The following SBNO1 variants were observed in gnomAD, a reference collection of about 807,000 sequenced individuals.
The protein encoded by SBNO1 is protein strawberry notch homolog 1.
SBNO1 carries 23 observed loss-of-function variants against 173.6 expected under a neutral mutation model. The observed-to-expected ratio is 0.13, with a 90% CI of 0.10 to 0.19. The LOEUF (loss-of-function observed/expected upper bound fraction) is 0.19. Ranked by LOEUF, SBNO1 falls within the 10% of genes least tolerant of loss-of-function variation. The probability of loss-of-function intolerance (pLI) is 1.00; values close to 1 mark genes in which losing one functional copy is unlikely to be tolerated. For missense variants in SBNO1, 1,238 were observed against 1,671.2 expected, an observed-to-expected ratio of 0.74 and a Z score of 4.52; for synonymous variants, 632 against 571.5, an observed-to-expected ratio of 1.11 and a Z score of -1.51.
intron 28 of SBNO1, among the ~76,000 whole-genome samples, chr12:123,308,222 T>C (rs544784874): frequency 5.6e-4 from 85 of 152,316 alleles, no homozygotes; most frequent in African/African-American, 1.9e-3. Flanking sequence ...CATACATGTA[T>C]AGATGTGTGC....
At chr12:123,345,882 C>T (rs1873072818) in intron 3 of SBNO1, among the ~76,000 whole-genome samples, 1 of 152,052 alleles carries the variant, frequency 6.6e-6, no homozygotes, top group Non-Finnish European at 1.5e-5. Context: ...AGGTTGGTCT[C>T]AAACTCCTGG....
intron 1 of SBNO1, among the ~76,000 whole-genome samples, chr12:123,363,180 G>A (rs956363300): frequency 3.3e-5 from 5 of 152,120 alleles, no homozygotes; most frequent in African/African-American, 1.2e-4. Context: ...AAAAAGTAAA[G>A]TCGTCTCCCA....
At chr12:123,314,908 T>A (rs916218252) in intron 23 of SBNO1, among the ~76,000 whole-genome samples, 7 of 144,036 alleles carry the variant, frequency 4.9e-5, no homozygotes, top group Admixed American at 2.1e-4. Context: ...ATTTTTGTAT[T>A]TTTTTTTTTT....
chr12:123,327,347 G>A, intron 13 of SBNO1, 79 bp downstream of exon 13: 3 of 1,136,784 alleles, frequency 2.6e-6, no homozygotes, highest in South Asian at 1.4e-5. Flanking sequence ...ATGGGCAGGA[G>A]GCATCGCAAT....
At position 123,294,686 on chromosome 12, in the gene SBNO1, AAAG is replaced by A. The variant is rs1293838446; in HGVS notation, c.*1219_*1221del. On this transcript the variant is annotated 3_prime_UTR_variant, in exon 32 of 32. Coordinates refer to ENST00000602398, the MANE Select transcript of SBNO1 (RefSeq NM_001167856.3). Reference sequence around the variant, plus strand: ...AGAAAAAAAGAAAAGAAAGAAAAAGAAAGAAAAGATAAAAAGACCAACTGTCCC... The same window carrying A: ...AGAAAAAAAGAAAAGAAAGAAAAAGAAAAAGATAAAAAGACCAACTGTCCC... The A allele has an allele frequency of 5.8e-6, 1 of 173,414 alleles. No homozygotes were observed. Among genetic ancestry groups the A allele is most frequent in the Admixed American group, 6.4e-5 (1 of 15,516 alleles). The allele number at this position is 173,414 out of a possible 1,614,324, so 10.7% of individuals were successfully genotyped here. A position where few individuals can be genotyped will look rare whatever the true frequency, so the allele number is the denominator to read the frequency against.
intron 1 of SBNO1, among the ~76,000 whole-genome samples, chr12:123,354,199 A>AGTTC (rs1874181916): frequency 6.6e-6 from 1 of 152,188 alleles, no homozygotes; most frequent in African/African-American, 2.4e-5. Flanking sequence ...CACTCATAGG[A>AGTTC]ATCACAATTT....
At chr12:123,360,948 T>TA (rs1292657689) in intron 1 of SBNO1, among the ~76,000 whole-genome samples, 2 of 151,636 alleles carry the variant, frequency 1.3e-5, no homozygotes, top group African/African-American at 2.4e-5. Flanking sequence ...CCATCCCTAT[T>TA]AAAAATGCAA....
intron 4 of SBNO1, among the ~76,000 whole-genome samples, chr12:123,343,141 G>A (rs892451766): frequency 3.3e-5 from 5 of 152,148 alleles, no homozygotes; most frequent in Non-Finnish European, 7.3e-5. Flanking sequence ...GCTGAAGCAG[G>A]AGAATCACTT....
chr12:123,331,287 C>G lies in SBNO1; in HGVS notation c.998G>C (p.Gly333Ala). 6.2e-7 allele frequency: 1 copy of G among 1,614,008 alleles called. No homozygotes were observed. The highest frequency in any genetic ancestry group is 8.5e-7 in the Non-Finnish European group (1 of 1,179,972). ...AGVGKGRTIA[G>A]IIYENYLLSR... ...CAACAAATAATTTTCATAGATGATT[C>G]CTGCTATCGTCCTTCCTTTTCCTAC... The change falls in exon 8 of 32, where the codon GGA becomes GCA. Residue 333 changes from glycine (G) to alanine (A), a missense_variant. Physicochemically the swap from Gly to Ala is moderately conservative, Grantham distance 60. Transcript: ENST00000602398.
intron 30 of SBNO1, among the ~76,000 whole-genome samples, chr12:123,298,828 G>T (rs1358203571): frequency 6.6e-6 from 1 of 152,230 alleles, no homozygotes; most frequent in Non-Finnish European, 1.5e-5. Context: ...GGTGGCTCAT[G>T]CCTGTAATCA....
chr12:123,364,840 ACGCCCCTCCCCCAGC>A, exon 1 of SBNO1: 2 of 933,080 alleles, frequency 2.1e-6, no homozygotes, highest in African/African-American at 3.6e-5. Context: ...CGCCATCTTG[ACGCCCCTCCCCCAGC>A]CCCCCCGCCC....
chr12:123,351,362 G>A (rs1401274960), intron 1 of SBNO1, among the ~76,000 whole-genome samples: 1 of 152,126 alleles, frequency 6.6e-6, no homozygotes, highest in Non-Finnish European at 1.5e-5. Context: ...ACAAGTCTGG[G>A]CACTGTGGCT....
At chr12:123,333,274 G>A (rs778815751) in intron 7 of SBNO1, among the ~76,000 whole-genome samples, 4 of 90,562 alleles carry the variant, frequency 4.4e-5, no homozygotes, top group Non-Finnish European at 6.6e-5. Context: ...ATCATTTCAA[G>A]ACAACTGCTT....
Position 123,331,261 on chromosome 12 carries a change from T to G in SBNO1, c.1024A>C (p.Ser342Arg). 6.2e-7 allele frequency: 1 copy of G among 1,614,044 alleles called. No homozygotes were observed. The highest frequency in any genetic ancestry group is 8.5e-7 in the Non-Finnish European group (1 of 1,179,942). ...AGIIYENYLL[S>R]RKRALWFSVS... The stretch of plus-strand genomic sequence containing the variant: ...ACTTACCACAATGCTCGTTTTCTAC[T>G]CAACAAATAATTTTCATAGATGATT... The change falls in exon 8 of 32, where the codon AGT (serine) becomes CGT (arginine). Residue 342 changes from serine to arginine, a missense_variant. Around this residue, in one of 14 missense-constraint regions of SBNO1, gnomAD observed 56 missense variants for 65.1 expected, o/e 0.86. Transcript: ENST00000602398.
At chr12:123,341,888 GAAGTA>G (rs1174746895) in intron 4 of SBNO1, among the ~76,000 whole-genome samples, 2 of 152,066 alleles carry the variant, frequency 1.3e-5, no homozygotes, top group African/African-American at 4.8e-5. Context: ...TGTCTTTATG[GAAGTA>G]AAGAATTAAC....
At chr12:123,333,943 A>G in intron 7 of SBNO1, 110 bp downstream of exon 7, 1 of 652,266 alleles carries the variant, frequency 1.5e-6, no homozygotes, top group Admixed American at 4.1e-5. Flanking sequence ...TTTCATAAAT[A>G]TTACATTTAC....
intron 1 of SBNO1, among the ~76,000 whole-genome samples, chr12:123,362,768 CAAAAAAAAA>C (rs10587512): frequency 2.6e-5 from 2 of 76,500 alleles, no homozygotes; most frequent in Admixed American, 1.5e-4. Context: ...GACTCCGCCT[CAAAAAAAAA>C]AAAAAAAAAA....
At chr12:123,355,542 T>G (rs1421324168) in intron 1 of SBNO1, among the ~76,000 whole-genome samples, 1 of 151,780 alleles carries the variant, frequency 6.6e-6, no homozygotes, top group Non-Finnish European at 1.5e-5. Flanking sequence ...AGGCGGAGGT[T>G]GCAGTGAGCC....
At chr12:123,347,937 G>A (rs1873405506) in intron 3 of SBNO1, 92 bp downstream of exon 3, 1 of 686,616 alleles carries the variant, frequency 1.5e-6, no homozygotes, top group Non-Finnish European at 2.5e-6. Flanking sequence ...AAAGTGCTGA[G>A]ACTACAGGTG....
Sources: gnomAD v4.1 joint callset for allele counts (sites outside exome capture counted in the v4.1 genomes callset) on GRCh38, gnomAD v4.1.1 for gene constraint, gnomAD v4.1.1 regional missense constraint, MANE v1.5 for transcripts, NCBI Gene and HGNC (gene_info 2026-07-23, HGNC 2026-07-21) for gene names.